Variants in DCDC2B observed in about 807,000 individuals in gnomAD.
DCDC2B encodes doublecortin domain-containing protein 2B.
DCDC2B carries 41 observed loss-of-function variants against 38.9 expected under a neutral mutation model. That is an observed-to-expected ratio of 1.05 (90% CI 0.82 to 1.37). The LOEUF (loss-of-function observed/expected upper bound fraction) is 1.37. DCDC2B is among the 40% of genes most tolerant of loss of function. The pLI is 0.00. For synonymous variants in DCDC2B, 181 were observed against 171.9 expected, an observed-to-expected ratio of 1.05 and a Z score of -0.41; for missense variants, 453 against 427.2, an observed-to-expected ratio of 1.06 and a Z score of -0.53.
intron 1 of DCDC2B, among the ~76,000 whole-genome samples, chr1:32,210,312 G>A (rs1643528911): frequency 7.1e-6 from 1 of 140,316 alleles, no homozygotes; most frequent in African/African-American, 2.7e-5. Flanking sequence ...GGCAATAAGA[G>A]TGAAACTCCA....
intron 1 of DCDC2B, among the ~76,000 whole-genome samples, chr1:32,210,683 G>A (rs901263164): frequency 2.0e-5 from 3 of 151,852 alleles, no homozygotes; most frequent in Admixed American, 2.0e-4. Context: ...ACAGCAGGAT[G>A]CATAATGCAC....
Position 32,214,937 on chromosome 1 carries a change from G to A in DCDC2B, c.850+5G>A, listed in dbSNP as rs758558005. 20 of 1,613,914 alleles carry A rather than the reference G, an allele frequency of 1.2e-5. No individual in the cohort carries two copies. The highest frequency in any genetic ancestry group is 1.7e-5 in the Non-Finnish European group (20 of 1,179,850). On this transcript the variant is annotated splice_donor_5th_base_variant and intron_variant, in intron 7 of 8. Transcript: ENST00000409358. ...CCACACTCTCATTCCCATCAGGTGAGGGGTCCCTGGGGCTCAGGCCCTTCT... is the reference window on the plus strand; with the variant it reads ...CCACACTCTCATTCCCATCAGGTGAAGGGTCCCTGGGGCTCAGGCCCTTCT...
At position 32,215,878 on chromosome 1, in the gene DCDC2B, C is replaced by T. The variant is rs1044749327; in HGVS notation, c.1031C>T (p.Ala344Val). 4.5e-6 allele frequency: 7 copies of T among 1,551,282 alleles called. No individual in the cohort carries two copies. The Admixed American group carries it at 5.9e-5, about 13-fold the overall frequency. The change falls in exon 9 of 9, where the codon GCC (alanine) becomes GTC (valine). Residue 344 changes from alanine (A) to valine (V), a missense_variant. Transcript: ENST00000409358. Reference sequence around the variant, plus strand: ...GCTGGGGCTGCTATCTCAGCCTCAGCCCCAGCTCTGCCATCTTGAGAGCCA... The same window carrying T: ...GCTGGGGCTGCTATCTCAGCCTCAGTCCCAGCTCTGCCATCTTGAGAGCCA... ...PGAGAAISAS[A>V]PALPS
intron 3 of DCDC2B, 42 bp from the exon 4 acceptor site, chr1:32,212,028 G>GA: frequency 6.3e-7 from 1 of 1,595,682 alleles, no homozygotes. Context: ...CACATGTAGG[G>GA]ACTCCTGGGG....
intron 3 of DCDC2B, 28 bp from the exon 4 acceptor site, chr1:32,212,042 C>T (rs557688738): frequency 1.2e-6 from 2 of 1,603,874 alleles, no homozygotes; most frequent in Non-Finnish European, 1.7e-6. Context: ...CCTGGGGACA[C>T]TCCCCCTTAC....
At chr1:32,211,123 C>G in intron 1 of DCDC2B, 149 bp from the exon 2 acceptor site, 1 of 769,248 alleles carries the variant, frequency 1.3e-6, no homozygotes, top group South Asian at 1.5e-5. Flanking sequence ...GGTTCAGCTG[C>G]CAATATCTTG....
chr1:32,214,249 T>C (rs1208744986), intron 6 of DCDC2B, among the ~76,000 whole-genome samples: 1 of 146,722 alleles, frequency 6.8e-6, no homozygotes, highest in African/African-American at 2.6e-5. Flanking sequence ...GAGGCGGAGG[T>C]TGTGGTGAGC....
In DCDC2B at chr1:32,212,190, G is replaced by A. The variant is rs756622587; in HGVS notation, c.516G>A (p.Gly172=). The part of the protein sequence containing the change: ...LLTEKVKLQS[G]AVCKLCTLEG... ...CTGAGAAGGTCAAGTTGCAGAGTGGGGCTGTGTGCAAGTGAGTATGGGGAC... is the reference window on the plus strand; with the variant it reads ...CTGAGAAGGTCAAGTTGCAGAGTGGAGCTGTGTGCAAGTGAGTATGGGGAC... Residue 172 remains glycine (G), a synonymous_variant, in exon 4 of 9, where the codon GGG becomes GGA. Coordinates refer to ENST00000409358, the MANE Select transcript of DCDC2B (RefSeq NM_001099434.2). 3 of 1,613,358 alleles carry A rather than the reference G, an allele frequency of 1.9e-6. No individual in the cohort carries two copies. The South Asian group carries it at 3.3e-5, about 18-fold the overall frequency.
chr1:32,213,753 G>A (rs1230323515), intron 6 of DCDC2B, among the ~76,000 whole-genome samples: 2 of 150,672 alleles, frequency 1.3e-5, no homozygotes, highest in African/African-American at 4.9e-5. Flanking sequence ...CTCGTGATCA[G>A]CCCACCTCAG....
intron 6 of DCDC2B, among the ~76,000 whole-genome samples, chr1:32,213,143 G>A (rs1053038309): frequency 2.6e-5 from 4 of 151,998 alleles, no homozygotes; most frequent in Non-Finnish European, 2.9e-5. Context: ...TGATCTGCCC[G>A]CCTCAGCCTC....
At chr1:32,215,232 C>A in intron 7 of DCDC2B, 1 of 590,806 alleles carries the variant, frequency 1.7e-6, no homozygotes, top group Non-Finnish European at 2.9e-6. Context: ...AAGGGCAGTG[C>A]TTAAAGCGAT....
At chr1:32,211,039 A>C (rs1643563701) in intron 1 of DCDC2B, among the ~76,000 whole-genome samples, 1 of 151,998 alleles carries the variant, frequency 6.6e-6, no homozygotes, top group Non-Finnish European at 1.5e-5. Flanking sequence ...TAGTACTGAG[A>C]CCCCAGTCTG....
chr1:32,214,660 C>T (rs917664499), intron 6 of DCDC2B, 137 bp from the exon 7 acceptor site: 15 of 1,273,572 alleles, frequency 1.2e-5, no homozygotes, highest in Middle Eastern at 1.9e-4. Context: ...GGAGGGAGGA[C>T]GTACTTTGTG....
In DCDC2B at chr1:32,212,758, C is replaced by A; in HGVS notation, c.679C>A (p.Pro227Thr). ...SPSLPRGCWQ[P>T]PGSKSRPHRQ... is the part of the protein sequence containing the mutation. ...CCTTTCCTTTTGTCATTGTAGGCAA[C>A]CTCCAGGCTCGAAGTCTAGGCCCCA... Residue 227 changes from proline (P) to threonine (T), a missense_variant, in exon 6 of 9, where the codon CCT (proline) becomes ACT (threonine). Transcript: ENST00000409358. The A allele has an allele frequency of 6.2e-7, 1 of 1,613,948 alleles. No homozygotes were observed. The highest frequency in any genetic ancestry group is 8.5e-7 in the Non-Finnish European group (1 of 1,179,876).
chr1:32,212,462 C>T, intron 4 of DCDC2B, 28 bp from the exon 5 acceptor site: 1 of 1,612,264 alleles, frequency 6.2e-7, no homozygotes, highest in South Asian at 1.1e-5. Context: ...GTCTACCAGC[C>T]CTTATCCTCC....
Position 32,212,213 on chromosome 1 carries a change from G to T in DCDC2B, c.527+12G>T, listed in dbSNP as rs756879838. 5.6e-6 allele frequency: 9 copies of T among 1,609,634 alleles called. No individual in the cohort carries two copies. The South Asian group carries it at 8.8e-5, about 16-fold the overall frequency. ...GGGGCTGTGTGCAAGTGAGTATGGG[G>T]ACTGCGAGGGCCCAAAAGTCCCCAA... On this transcript the variant is annotated intron_variant, in intron 4 of 8. Transcript: ENST00000409358.
At chr1:32,214,440 G>A (rs1186556813) in intron 6 of DCDC2B, 6 of 220,084 alleles carry the variant, frequency 2.7e-5, no homozygotes, top group African/African-American at 6.8e-5. Flanking sequence ...TAGGTTGGAC[G>A]CTGGGAGAGA....
chr1:32,216,059 C>T lies in DCDC2B; in HGVS notation c.*162C>T. Reference sequence around the variant, plus strand: ...CGTTCTCCTGCTCCTAAACCCACAGCCCAGCCTTCCCTTCCTCTGAGCAGA... The same window carrying T: ...CGTTCTCCTGCTCCTAAACCCACAGTCCAGCCTTCCCTTCCTCTGAGCAGA... On this transcript the variant is annotated 3_prime_UTR_variant, in exon 9 of 9. Transcript: ENST00000409358. 4 of 723,056 alleles carry T rather than the reference C, an allele frequency of 5.5e-6. No individual in the cohort carries two copies. In the Middle Eastern group the frequency reaches 1.1e-3, roughly 204 times the overall value. 44.8% of individuals were successfully genotyped at this position (723,056 alleles called of 1,614,324 possible).
rs1638300523 is a variant in DCDC2B at position 32,215,459 on chromosome 1, A to G, written c.870A>G (p.Gly290=). 1 of 1,612,758 alleles carries G rather than the reference A, an allele frequency of 6.2e-7. No individual in the cohort carries two copies. Residue 290 remains glycine, a synonymous_variant, in exon 8 of 9, where the codon GGA becomes GGG. Coordinates refer to ENST00000409358, the MANE Select transcript of DCDC2B (RefSeq NM_001099434.2). The part of the protein sequence containing the change: ...SFPSGVIGVY[G]APHRRKETAG... Reference sequence around the variant, plus strand: ...CTTTAGGAGTTATAGGAGTATATGGAGCTCCCCACCGAAGGAAGGAGACAG... The same window carrying G: ...CTTTAGGAGTTATAGGAGTATATGGGGCTCCCCACCGAAGGAAGGAGACAG...
Sources: gnomAD v4.1 joint callset for allele counts (sites outside exome capture counted in the v4.1 genomes callset) on GRCh38, gnomAD v4.1.1 for gene constraint, MANE v1.5 for transcripts, NCBI Gene and HGNC (gene_info 2026-07-23, HGNC 2026-07-21) for gene names.